CCDC68: variants seen among roughly 807,000 people sequenced by gnomAD.
CCDC68 encodes the protein coiled-coil domain containing 68.
CCDC68 carries 45 observed loss-of-function variants against 47.1 expected under a neutral mutation model. The ratio of observed to expected loss-of-function variants is 0.96; its 90% CI spans 0.75 to 1.23. The LOEUF (loss-of-function observed/expected upper bound fraction) is 1.23. Among genes scored for constraint, CCDC68 ranks in the 50% most tolerant of loss-of-function variants. The pLI is 0.00. For synonymous variants in CCDC68, 131 were observed against 129.5 expected (o/e 1.01, Z -0.08); for missense variants, 353 against 373.6 (o/e 0.94, Z 0.45).
intron 4 of CCDC68, among the ~76,000 whole-genome samples, chr18:54,938,751 C>T (rs1167001737): frequency 1.3e-5 from 2 of 152,214 alleles, no homozygotes; most frequent in Admixed American, 6.5e-5. Context: ...AGCAAGTGAG[C>T]GGGAGACCTC....
intron 8 of CCDC68, among the ~76,000 whole-genome samples, chr18:54,924,425 T>C (rs1012748174): frequency 1.3e-5 from 2 of 151,866 alleles, no homozygotes; most frequent in Admixed American, 6.6e-5. Flanking sequence ...GACTTGGAGC[T>C]GGAAAAAAAC....
chr18:54,905,317 G>T (rs1913925895), intron 11 of CCDC68, among the ~76,000 whole-genome samples: 1 of 145,654 alleles, frequency 6.9e-6, no homozygotes, highest in South Asian at 2.3e-4. Flanking sequence ...GGGAAGAGGG[G>T]AGGGGAAAGG....
intron 6 of CCDC68, among the ~76,000 whole-genome samples, chr18:54,936,221 T>TAA (rs2044342510): frequency 7.7e-6 from 1 of 129,162 alleles, no homozygotes; most frequent in Non-Finnish European, 1.6e-5. Flanking sequence ...TAAATATATA[T>TAA]CTATATATTT....
intron 10 of CCDC68, among the ~76,000 whole-genome samples, chr18:54,915,050 A>G (rs1164642667): frequency 6.6e-6 from 1 of 152,240 alleles, no homozygotes. Context: ...AAGAATGGGC[A>G]CTTAATTAGA....
intron 7 of CCDC68, among the ~76,000 whole-genome samples, chr18:54,932,799 G>T (rs1164356430): frequency 6.6e-6 from 1 of 152,148 alleles, no homozygotes; most frequent in African/African-American, 2.4e-5. Flanking sequence ...CCTTTGACTG[G>T]GCTTTCAGCC....
At chr18:54,956,640 C>T (rs1435004232) in intron 1 of CCDC68, among the ~76,000 whole-genome samples, 2 of 152,184 alleles carry the variant, frequency 1.3e-5, no homozygotes, top group Non-Finnish European at 2.9e-5. Context: ...GCTATTCTAA[C>T]TGAAAAAAGC....
chr18:54,919,724 AAACTTCACAGAC>A (rs909903970), intron 8 of CCDC68, among the ~76,000 whole-genome samples: 2 of 152,218 alleles, frequency 1.3e-5, no homozygotes, highest in Non-Finnish European at 2.9e-5. Context: ...GGCACCCATC[AAACTTCACAGAC>A]AATTGCATGC....
At chr18:54,930,623 T>C (rs1441566209) in intron 7 of CCDC68, among the ~76,000 whole-genome samples, 101 of 25,934 alleles carry the variant, frequency 3.9e-3, no homozygotes, top group African/African-American at 5.5e-3. Context: ...TCCCTTCCCT[T>C]CCCCTCCCTC....
At chr18:54,905,303 A>G (rs1913924632) in intron 11 of CCDC68, among the ~76,000 whole-genome samples, 1 of 131,426 alleles carries the variant, frequency 7.6e-6, no homozygotes. Context: ...GGGAGGGACT[A>G]GTTGGGAAGA....
rs760647370 is a variant in CCDC68, at chr18:54,928,847, C to A, written c.636G>T (p.Leu212Phe). Residue 212 changes from leucine to phenylalanine, a missense_variant, in exon 8 of 12, where the codon TTG (leucine) becomes TTT (phenylalanine). Transcript: ENST00000591504. ...ATTTGAGTTGCAGTAGCTTGTTTTC[C>A]AAAGACAGTTTTCTTTCTAGTAGTG... ...KRTLLERKLS[L>F]ENKLLQLKSS... 1 of 1,612,562 alleles carries A rather than the reference C, an allele frequency of 6.2e-7. No homozygotes were observed. The highest frequency in any genetic ancestry group is 8.5e-7 in the Non-Finnish European group (1 of 1,178,794).
intron 7 of CCDC68, among the ~76,000 whole-genome samples, chr18:54,929,284 A>G (rs1447671822): frequency 6.6e-6 from 1 of 152,196 alleles, no homozygotes; most frequent in Admixed American, 6.5e-5. Context: ...ATCCAAGGAC[A>G]CTAGATACCT....
rs1323889690 is a variant in CCDC68, at chr18:54,928,834, G to C, written c.649C>G (p.Leu217Val). The C allele has an allele frequency of 1.9e-6, 3 of 1,612,694 alleles. No homozygotes were observed. Among genetic ancestry groups the C allele is most frequent in the Non-Finnish European group, 2.5e-6 (3 of 1,178,824 alleles). Residue 217 changes from leucine (L) to valine (V), a missense_variant, in exon 8 of 12, where the codon CTG becomes GTG. Transcript: ENST00000591504. ...TATGTAGCACTGGATTTGAGTTGCA[G>C]TAGCTTGTTTTCCAAAGACAGTTTT... is the stretch of plus-strand genomic sequence containing the variant. ...ERKLSLENKL[L>V]QLKSSATYGK...
In CCDC68 at chr18:54,902,404, C is replaced by G. The variant is rs1208446930; in HGVS notation, c.*1954G>C. The G allele has an allele frequency of 3.9e-5, 6 of 152,170 alleles. No individual in the cohort carries two copies. The highest frequency in any genetic ancestry group is 7.3e-5 in the Non-Finnish European group (5 of 68,028). The allele number at this position is 152,170 out of a possible 1,614,324, so 9.4% of individuals were successfully genotyped here. A position where few individuals can be genotyped will look rare whatever the true frequency, so the allele number is the denominator to read the frequency against. ...ATGAGGTATAAAAGGAATCTGGTCTCCTAGTAAAAGATGGATTCTCTTACT... is the reference window on the plus strand; with the variant it reads ...ATGAGGTATAAAAGGAATCTGGTCTGCTAGTAAAAGATGGATTCTCTTACT... On this transcript the variant is annotated 3_prime_UTR_variant, in exon 12 of 12. Coordinates refer to ENST00000591504, the MANE Select transcript of CCDC68 (RefSeq NM_025214.3).
chr18:54,948,180 C>A (rs960120088), intron 1 of CCDC68, among the ~76,000 whole-genome samples: 1 of 152,108 alleles, frequency 6.6e-6, no homozygotes, highest in Admixed American at 6.5e-5. Context: ...TAGGGTTTTG[C>A]AGGTGTAATT....
chr18:54,905,496 G>C (rs960380847), intron 11 of CCDC68, among the ~76,000 whole-genome samples: 9 of 151,204 alleles, frequency 6.0e-5, no homozygotes, highest in South Asian at 2.1e-4. Flanking sequence ...TTCCCTGAGA[G>C]AATGTGTAGA....
intron 8 of CCDC68, among the ~76,000 whole-genome samples, chr18:54,921,212 G>A (rs2145438510): frequency 6.6e-6 from 1 of 152,172 alleles, no homozygotes; most frequent in African/African-American, 2.4e-5. Flanking sequence ...AAGAATGGAG[G>A]GGAAAGGGTT....
chr18:54,931,610 CA>C (rs1313126340), intron 7 of CCDC68, among the ~76,000 whole-genome samples: 2 of 152,110 alleles, frequency 1.3e-5, no homozygotes, highest in Non-Finnish European at 2.9e-5. Flanking sequence ...TAGGTGGTCT[CA>C]AAAGTGCCTT....
At chr18:54,924,427 G>A (rs1423629629) in intron 8 of CCDC68, among the ~76,000 whole-genome samples, 1 of 151,954 alleles carries the variant, frequency 6.6e-6, no homozygotes, top group African/African-American at 2.4e-5. Flanking sequence ...CTTGGAGCTG[G>A]AAAAAAACAG....
intron 7 of CCDC68, among the ~76,000 whole-genome samples, chr18:54,930,635 C>CTCCCTCCCTCCT (rs2044230940): frequency 1.2e-4 from 2 of 16,364 alleles, no homozygotes; most frequent in African/African-American, 3.6e-4. Context: ...CCCTCCCTCC[C>CTCCCTCCCTCCT]TCCCTCCCTC....
Sources: allele counts gnomAD v4.1 joint callset (sites outside exome capture counted in the v4.1 genomes callset), GRCh38; gene constraint gnomAD v4.1.1; transcripts MANE v1.5; gene names NCBI Gene and HGNC (gene_info 2026-07-23, HGNC 2026-07-21).